Variants in DIDO1 observed in about 807,000 individuals in gnomAD.
The protein encoded by DIDO1 is death-inducer obliterator 1.
A neutral mutation model predicts 99.4 loss-of-function variants in DIDO1; 16 were observed. The ratio of observed to expected loss-of-function variants is 0.16; its 90% CI spans 0.11 to 0.24. The LOEUF is 0.24. Among genes scored for constraint, DIDO1 ranks in the 10% least tolerant of loss-of-function variants. The probability of loss-of-function intolerance (pLI) is 1.00; values close to 1 mark genes in which losing one functional copy is unlikely to be tolerated. For synonymous variants in DIDO1, 1,366 were observed against 1,239.1 expected, an observed-to-expected ratio of 1.10 and a Z score of -2.15; for missense variants, 2,996 against 3,014.0, an observed-to-expected ratio of 0.99 and a Z score of 0.14.
At chr20:62,934,133 G>A (rs749812) in intron 1 of DIDO1, among the ~76,000 whole-genome samples, 34,925 of 151,976 alleles carry the variant, frequency 0.23, 4,296 homozygotes, top group East Asian at 0.34. Flanking sequence ...ATGCCAACCC[G>A]TGTGGCCCTG....
At chr20:62,926,745 C>T (rs2065264022), upstream of DIDO1, among the ~76,000 whole-genome samples, 1 of 152,220 alleles carries the variant, frequency 6.6e-6, no homozygotes, top group Non-Finnish European at 1.5e-5. Context: ...GGGGCAGTGC[C>T]CTTGCGGGGA....
chr20:62,881,021 G>C lies in DIDO1; in HGVS notation c.4935C>G (p.Ala1645=), dbSNP rs748527415. The C allele has an allele frequency of 3.7e-6, 6 of 1,604,388 alleles. No homozygotes were observed. In the South Asian group the frequency reaches 6.6e-5, roughly 18 times the overall value. Residue 1645 remains alanine, a synonymous_variant, in exon 16 of 16, where the codon GCC becomes GCG. Transcript: ENST00000395343. This position sits in a 1 kb window ranked among gnomAD's most constrained non-coding sequence, Gnocchi z 8.3. The part of the protein sequence containing the change: ...KAEPGEGTRP[A]TVGDSSARPA... Reference sequence around the variant, plus strand: ...GCCTGGCCGAGCTGTCTCCAACCGTGGCGGGGCGGGTGCCCTCCCCAGGCT... The same window carrying C: ...GCCTGGCCGAGCTGTCTCCAACCGTCGCGGGGCGGGTGCCCTCCCCAGGCT...
intron 8 of DIDO1, among the ~76,000 whole-genome samples, chr20:62,895,570 AG>A (rs1331650952): frequency 6.6e-6 from 1 of 152,254 alleles, no homozygotes; most frequent in Non-Finnish European, 1.5e-5. Flanking sequence ...ATTTCTGTTT[AG>A]GGCTGTTCAA....
Position 62,881,341 on chromosome 20 carries a change from G to T in DIDO1, c.4615C>A (p.Gln1539Lys). The T allele has an allele frequency of 6.2e-7, 1 of 1,605,202 alleles. No individual in the cohort carries two copies. Among genetic ancestry groups the T allele is most frequent in the Admixed American group, 1.7e-5 (1 of 60,020 alleles). ...LPKAELFQQE[Q>K]QSADKPASLP... ...GAGGCGGGCTTGTCTGCAGACTGCT[G>T]CTCTTGCTGGAACAGCTCTGCCTTG... Residue 1539 changes from glutamine (Q) to lysine (K), a missense_variant, in exon 16 of 16, where the codon CAG becomes AAG. Gln to Lys is a moderately conservative substitution (Grantham distance 53). Around this residue, in one of 5 missense-constraint regions of DIDO1, gnomAD observed 1,562 missense variants for 1,412.6 expected, o/e 1.11. Transcript: ENST00000395343. The surrounding 1 kb of genome is among the most constrained non-coding windows in gnomAD (Gnocchi z 8.3).
At chr20:62,905,848 G>C in intron 6 of DIDO1, 39 bp downstream of exon 6, 1 of 1,614,074 alleles carries the variant, frequency 6.2e-7, no homozygotes, top group Non-Finnish European at 8.5e-7. Flanking sequence ...CAGAAAGAAC[G>C]GGAGGGGTCC....
upstream of DIDO1, among the ~76,000 whole-genome samples, chr20:62,926,780 C>T (rs1461999665): frequency 2.6e-5 from 4 of 152,216 alleles, no homozygotes; most frequent in South Asian, 8.3e-4. Context: ...CCGGGCAGGG[C>T]GCAGGCGGAA....
rs755740 is a variant in DIDO1 at position 62,896,128 on chromosome 20, T to C, written c.2214+105A>G. On this transcript the variant is annotated intron_variant, in intron 8 of 15. Coordinates refer to ENST00000395343, the MANE Select transcript of DIDO1 (RefSeq NM_001193369.2). The surrounding 1 kb of genome is among the most constrained non-coding windows in gnomAD (Gnocchi z 4.4). ...GATCACAGAGGAGAAAGAAACGTCT[T>C]AGCTTTCCTGGAAAGGACACGAACA... is the stretch of plus-strand genomic sequence containing the variant. 514,273 of 1,235,524 alleles carry C rather than the reference T, an allele frequency of 0.42. 110,156 individuals carry two copies. The highest frequency in any genetic ancestry group is 0.66 in the East Asian group (27,235 of 40,980). The allele number at this position is 1,235,524 out of a possible 1,614,324, so 76.5% of individuals were successfully genotyped here.
chr20:62,913,589 C>T (rs1260166279), intron 2 of DIDO1, among the ~76,000 whole-genome samples: 1 of 152,264 alleles, frequency 6.6e-6, no homozygotes, highest in African/African-American at 2.4e-5. Context: ...TCTGCTTGTG[C>T]AAGCCAAAAT....
chr20:62,926,247 C>T (rs2065251644), intron 1 of DIDO1, among the ~76,000 whole-genome samples, 192 bp downstream of exon 1: 1 of 96,656 alleles, frequency 1.0e-5, no homozygotes, highest in African/African-American at 7.4e-5. Context: ...TCTGACCGGC[C>T]CCGCCCGCTC....
chr20:62,901,223 T>C (rs2064670264), intron 6 of DIDO1, among the ~76,000 whole-genome samples: 1 of 152,190 alleles, frequency 6.6e-6, no homozygotes, highest in Admixed American at 6.5e-5. Context: ...CCTTGCAGGG[T>C]CCACAGCTAG....
At chr20:62,904,758 T>C (rs139859862) in intron 6 of DIDO1, among the ~76,000 whole-genome samples, 2,538 of 120,560 alleles carry the variant, frequency 0.021, 33 homozygotes, top group Middle Eastern at 0.05. Context: ...CCAGCCTGGG[T>C]GACAGAGCAA....
chr20:62,929,953 G>A (rs1047680236), upstream of DIDO1, among the ~76,000 whole-genome samples: 3 of 151,910 alleles, frequency 2.0e-5, no homozygotes, highest in African/African-American at 7.3e-5. Context: ...AACCAGATCT[G>A]CCAGGCGCGG....
chr20:62,899,708 G>A (rs1416976484), intron 6 of DIDO1, among the ~76,000 whole-genome samples: 2 of 152,200 alleles, frequency 1.3e-5, no homozygotes, highest in East Asian at 3.8e-4. Flanking sequence ...CCTCATCTGT[G>A]CTTTAAAGAG....
chr20:62,925,909 G>C (rs941436221), intron 1 of DIDO1, among the ~76,000 whole-genome samples: 14 of 152,186 alleles, frequency 9.2e-5, no homozygotes, highest in Non-Finnish European at 1.8e-4. Flanking sequence ...TTCCTGCAGC[G>C]CCAGCCGCCC....
At chr20:62,899,862 C>T (rs2147437536) in intron 6 of DIDO1, among the ~76,000 whole-genome samples, 1 of 152,348 alleles carries the variant, frequency 6.6e-6, no homozygotes, top group East Asian at 1.9e-4. Flanking sequence ...GACCCGAGCA[C>T]ACACCCATTC....
chr20:62,896,730 C>T lies in DIDO1; in HGVS notation c.1855G>A (p.Ala619Thr). Residue 619 changes from alanine (A) to threonine (T), a missense_variant, in exon 7 of 16, where the codon GCA becomes ACA. By Grantham distance (58) the Ala-to-Thr change is moderately conservative (BLOSUM62 0). This residue lies in a region of DIDO1 where 898 missense variants were observed against 972.7 expected (regional missense o/e 0.92). Transcript: ENST00000395343. The surrounding 1 kb of genome is among the most constrained non-coding windows in gnomAD (Gnocchi z 4.4). ...TTCTTGGAGGCAGCCGTTGCCGCTG[C>T]AGGTGCCGGTCCGGCCTGCCTGGCA... is the stretch of plus-strand genomic sequence containing the variant. ...SAARQAGPAP[A>T]AATAASKKFP... is the part of the protein sequence containing the mutation. 1 of 1,613,704 alleles carries T rather than the reference C, an allele frequency of 6.2e-7. No individual in the cohort carries two copies. The highest frequency in any genetic ancestry group is 8.5e-7 in the Non-Finnish European group (1 of 1,179,834).
intron 1 of DIDO1, among the ~76,000 whole-genome samples, chr20:62,934,974 G>A (rs922909391): frequency 1.3e-5 from 2 of 152,134 alleles, no homozygotes; most frequent in African/African-American, 4.8e-5. Flanking sequence ...GTCTCCATGG[G>A]CTTCCTCTGA....
intron 15 of DIDO1, chr20:62,889,331 G>A (rs768800145): frequency 2.6e-5 from 26 of 984,650 alleles, no homozygotes; most frequent in Middle Eastern, 1.0e-3. Flanking sequence ...TGGGGAACCC[G>A]GTGCCCGGCA....
At chr20:62,937,812 G>C in exon 1 of DIDO1, 1 of 398,462 alleles carries the variant, frequency 2.5e-6, no homozygotes, top group Non-Finnish European at 4.4e-6. Context: ...CTCCGACTCA[G>C]TGTAGACGTC....
Sources: allele counts gnomAD v4.1 joint callset (sites outside exome capture counted in the v4.1 genomes callset), GRCh38; gene constraint gnomAD v4.1.1; regional missense constraint gnomAD v4.1.1; non-coding constraint Gnocchi (gnomAD v3.1); transcripts MANE v1.5; gene names NCBI Gene and HGNC (gene_info 2026-07-23, HGNC 2026-07-21).